The following LIMCH1 variants were observed in gnomAD, a reference collection of about 807,000 sequenced individuals.
LIMCH1 encodes the protein LIM and calponin homology domains-containing protein 1.
LIMCH1 carries 113 observed loss-of-function variants against 176.5 expected under a neutral mutation model. The ratio of observed to expected loss-of-function variants is 0.64; its 90% CI spans 0.55 to 0.75. The LOEUF (loss-of-function observed/expected upper bound fraction) is 0.75. Among genes scored for constraint, LIMCH1 ranks in the 30% least tolerant of loss-of-function variants. The pLI is 0.00. For synonymous variants in LIMCH1, 619 were observed against 645.9 expected, an observed-to-expected ratio of 0.96 and a Z score of 0.63; for missense variants, 1,674 against 1,814.9, an observed-to-expected ratio of 0.92 and a Z score of 1.41.
rs2092485966 is a variant in LIMCH1 at position 41,620,538 on chromosome 4, T to C, written c.573T>C (p.Pro191=). 1 of 1,536,430 alleles carries C rather than the reference T, an allele frequency of 6.5e-7. No individual in the cohort carries two copies. Among genetic ancestry groups the C allele is most frequent in the East Asian group, 2.4e-5 (1 of 40,922 alleles). Residue 191 remains proline (P), a synonymous_variant, in exon 7 of 32, where the codon CCT becomes CCC. Transcript: ENST00000503057. Reference sequence around the variant, plus strand: ...CTTCCGATGGTGGGTGTGAATTACCTGACGGCAGTGGTAAGGAGCACCCTT... The same window carrying C: ...CTTCCGATGGTGGGTGTGAATTACCCGACGGCAGTGGTAAGGAGCACCCTT... ...WKPSDGGCEL[P]DGSGKEHPSS...
intron 1 of LIMCH1, among the ~76,000 whole-genome samples, chr4:41,557,144 A>G (rs1273077488): frequency 6.6e-6 from 1 of 152,236 alleles, no homozygotes; most frequent in African/African-American, 2.4e-5. Context: ...TTGTGTTCTA[A>G]TGTTGCAAAT....
chr4:41,648,658 G>GGTGTGTGTGTGTGTGTGTGTGTGTGTGT (rs71650941), intron 17 of LIMCH1, among the ~76,000 whole-genome samples: 2 of 135,334 alleles, frequency 1.5e-5, no homozygotes, highest in African/African-American at 5.6e-5. Flanking sequence ...AAGGGGTAGG[G>GGTGTGTGTGTGTGTGTGTGTGTGTGTGT]GTGTGTGTGT....
chr4:41,691,214 G>C lies in LIMCH1; in HGVS notation c.4276-1068G>C, dbSNP rs563721813. On this transcript the variant is annotated intron_variant, in intron 30 of 31. Transcript: ENST00000503057. Reference sequence around the variant, plus strand: ...CTCTTGCAATGTAGAGGCAGCTTATGACATAATTTGGATTAAGCCTCACTC... The same window carrying C: ...CTCTTGCAATGTAGAGGCAGCTTATCACATAATTTGGATTAAGCCTCACTC... 3.3e-5 allele frequency among the ~76,000 whole-genome samples: 5 copies of C among 152,182 alleles called. No individual in the cohort carries two copies. The South Asian group carries it at 1.0e-3, about 32-fold the overall frequency.
intron 5 of LIMCH1, 34 bp from the exon 6 acceptor site, chr4:41,619,152 AAC>A (rs746845163): frequency 1.2e-6 from 2 of 1,611,236 alleles, no homozygotes. Context: ...CTGCTAGCCT[AAC>A]ACACTTTCTC....
chr4:41,396,720 G>A (rs2154114456), intron 1 of LIMCH1, among the ~76,000 whole-genome samples: 1 of 152,116 alleles, frequency 6.6e-6, no homozygotes. Context: ...GGCCAACATG[G>A]TGAAACCCTG....
chr4:41,588,430 C>T (rs1000247230), intron 1 of LIMCH1, among the ~76,000 whole-genome samples: 1 of 152,052 alleles, frequency 6.6e-6, no homozygotes, highest in Non-Finnish European at 1.5e-5. Context: ...GAAGGATTAA[C>T]AAGTGGATCC....
chr4:41,547,896 T>TATATATAA (rs1554094827), intron 1 of LIMCH1, among the ~76,000 whole-genome samples: 2 of 140,764 alleles, frequency 1.4e-5, no homozygotes, highest in East Asian at 2.1e-4. Flanking sequence ...TATATATATA[T>TATATATAA]AAACAGTGAG....
intron 22 of LIMCH1, among the ~76,000 whole-genome samples, chr4:41,672,884 C>T (rs917077715): frequency 1.3e-5 from 2 of 152,138 alleles, no homozygotes; most frequent in Admixed American, 6.5e-5. Flanking sequence ...TTCTCTGACC[C>T]TCATCTTCCT....
chr4:41,638,903 G>A (rs773292868), intron 13 of LIMCH1, 29 bp from the exon 14 acceptor site: 1 of 1,601,550 alleles, frequency 6.2e-7, no homozygotes, highest in Non-Finnish European at 8.5e-7. Flanking sequence ...AACTCTGCCA[G>A]TCCTCTAATT....
chr4:41,633,031 GA>G lies in LIMCH1; in HGVS notation c.1776del (p.Asp593IlefsTer38), dbSNP rs2093407920. The G allele has an allele frequency of 1.3e-6, 2 of 1,535,954 alleles. No individual in the cohort carries two copies. The highest frequency in any genetic ancestry group is 1.7e-6 in the Non-Finnish European group (2 of 1,146,918). On this transcript the variant is annotated frameshift_variant, in exon 12 of 32. Coordinates refer to ENST00000503057, the MANE Select transcript of LIMCH1 (RefSeq NM_001330672.2). LOFTEE classifies it high-confidence loss of function. ...DGKEETESAP[R>X]DSERLSKAER... ...AAAGAAGAAACAGAAAGCGCTCCAA[GA>G]GATTCTGAGAGGCTGTCAAAGGCAG... is the stretch of plus-strand genomic sequence containing the variant.
At chr4:41,640,194 T>C (rs1585196232) in intron 14 of LIMCH1, among the ~76,000 whole-genome samples, 1 of 152,278 alleles carries the variant, frequency 6.6e-6, no homozygotes, top group East Asian at 1.9e-4. Context: ...GTCTGTAAAA[T>C]TGAGCCCTGG....
intron 8 of LIMCH1, 38 bp downstream of exon 8, chr4:41,627,048 G>GTGTT: frequency 6.7e-7 from 1 of 1,501,706 alleles, no homozygotes; most frequent in Non-Finnish European, 8.9e-7. Flanking sequence ...GTGTGTGTGT[G>GTGTT]TGTGTCTATG....
At chr4:41,509,917 CT>C (rs1326463487) in intron 2 of LIMCH1, among the ~76,000 whole-genome samples, 1 of 152,220 alleles carries the variant, frequency 6.6e-6, no homozygotes, top group Non-Finnish European at 1.5e-5. Flanking sequence ...TCTGGGAGCT[CT>C]TGTGTGCACT....
At chr4:41,480,981 T>C (rs765304479) in intron 1 of LIMCH1, among the ~76,000 whole-genome samples, 2 of 152,084 alleles carry the variant, frequency 1.3e-5, no homozygotes, top group Admixed American at 1.3e-4. Flanking sequence ...GATTTAATGC[T>C]CCCAGGATGC....
intron 1 of LIMCH1, among the ~76,000 whole-genome samples, chr4:41,486,481 G>A (rs1330772802): frequency 1.3e-5 from 2 of 152,178 alleles, no homozygotes; most frequent in Non-Finnish European, 2.9e-5. Flanking sequence ...CTGTCATGAG[G>A]GGAACAGGAA....
chr4:41,419,693 T>G (rs866767512), intron 1 of LIMCH1, among the ~76,000 whole-genome samples: 2,953 of 81,034 alleles, frequency 0.036, 212 homozygotes, highest in African/African-American at 0.053. Context: ...CCTTCCTTCC[T>G]TCCTTCCTTC....
At chr4:41,417,893 A>T (rs1228189545) in intron 1 of LIMCH1, among the ~76,000 whole-genome samples, 2 of 152,200 alleles carry the variant, frequency 1.3e-5, no homozygotes. Flanking sequence ...TTTATATTTA[A>T]TGAAATAAAG....
chr4:41,666,507 G>GTGAATTGTGTGTCAACTGTC (rs2094831446), intron 20 of LIMCH1, 54 bp from the exon 21 acceptor site: 1 of 1,066,254 alleles, frequency 9.4e-7, no homozygotes, highest in Non-Finnish European at 1.5e-6. Flanking sequence ...TGTCACCTGT[G>GTGAATTGTGTGTCAACTGTC]CATTTATCAA....
intron 12 of LIMCH1, 87 bp from the exon 13 acceptor site, chr4:41,633,461 T>C: frequency 6.9e-7 from 1 of 1,458,880 alleles, no homozygotes; most frequent in Non-Finnish European, 9.1e-7. Context: ...GCTTCTTCTG[T>C]CTTGAATTAA....
Sources: allele counts gnomAD v4.1 joint callset (sites outside exome capture counted in the v4.1 genomes callset), GRCh38; gene constraint gnomAD v4.1.1; transcripts MANE v1.5; gene names NCBI Gene and HGNC (gene_info 2026-07-23, HGNC 2026-07-21).